Variants in RPRD2 observed in about 807,000 individuals in gnomAD.
The protein encoded by RPRD2 is regulation of nuclear pre-mRNA domain-containing protein 2.
Under a neutral mutation model 104.4 loss-of-function variants are expected in RPRD2, and 12 were observed. The observed-to-expected ratio is 0.11, with a 90% CI of 0.07 to 0.19. The LOEUF (loss-of-function observed/expected upper bound fraction) is 0.19, where lower values mean the gene tolerates loss of function less well. RPRD2 is among the 10% of genes least tolerant of loss of function. RPRD2 has a pLI of 1.00. For synonymous variants in RPRD2, 714 were observed against 684.9 expected (o/e 1.04, Z -0.66); for missense variants, 1,543 against 1,790.1 (o/e 0.86, Z 2.49).
intron 6 of RPRD2, among the ~76,000 whole-genome samples, chr1:150,445,984 C>T (rs1221913464): frequency 6.7e-6 from 1 of 150,086 alleles, no homozygotes; most frequent in Non-Finnish European, 1.5e-5. Flanking sequence ...AGGAGAGTGG[C>T]GTGAACCCGG....
Position 150,472,584 on chromosome 1 carries a change from A to G in RPRD2, c.3636A>G (p.Pro1212=), listed in dbSNP as rs760057465. 20 of 1,613,552 alleles carry G rather than the reference A, an allele frequency of 1.2e-5. No individual in the cohort carries two copies. The highest frequency in any genetic ancestry group is 4.0e-5 in the African/African-American group (3 of 74,884). ...GTPFQREPVG[P]SSAPPVPPKD... is the part of the protein sequence containing the mutation. ...CCTTCCAGAGAGAGCCAGTGGGGCC[A>G]TCATCTGCCCCACCTGTCCCTCCTA... Residue 1212 remains proline, a synonymous_variant, in exon 11 of 11, where the codon CCA becomes CCG. Coordinates refer to ENST00000369068, the MANE Select transcript of RPRD2 (RefSeq NM_015203.5).
intron 1 of RPRD2, among the ~76,000 whole-genome samples, chr1:150,400,711 G>A (rs1287113256): frequency 1.3e-5 from 2 of 151,972 alleles, no homozygotes; most frequent in African/African-American, 4.8e-5. Flanking sequence ...TTCCTTTTCC[G>A]CTGTTCTTAG....
intron 5 of RPRD2, 27 bp downstream of exon 5, chr1:150,443,310 G>A (rs1572487179): frequency 6.7e-7 from 1 of 1,488,142 alleles, no homozygotes; most frequent in South Asian, 1.2e-5. Context: ...GTTTAATATA[G>A]CAAAGTATTA....
At chr1:150,458,352 G>A (rs1667686518) in intron 8 of RPRD2, among the ~76,000 whole-genome samples, 1 of 151,764 alleles carries the variant, frequency 6.6e-6, no homozygotes, top group South Asian at 2.1e-4. Flanking sequence ...TGCTGGAAAG[G>A]CTGAGGCAGG....
At chr1:150,465,318 A>C (rs1351343267) in intron 10 of RPRD2, among the ~76,000 whole-genome samples, 1 of 151,846 alleles carries the variant, frequency 6.6e-6, no homozygotes. Flanking sequence ...GAGTTTTGCT[A>C]TGTTGGCCAG....
At chr1:150,450,468 G>A (rs782738361) in intron 7 of RPRD2, among the ~76,000 whole-genome samples, 14 of 151,392 alleles carry the variant, frequency 9.2e-5, no homozygotes, top group Middle Eastern at 3.4e-3. Context: ...TTAGGTGGGC[G>A]TGGTGGCGGG....
At chr1:150,442,081 G>C (rs1259165082) in intron 4 of RPRD2, 123 bp downstream of exon 4, 1 of 642,780 alleles carries the variant, frequency 1.6e-6, no homozygotes, top group Non-Finnish European at 2.6e-6. Context: ...AGGTCTGGGA[G>C]GCTCCCAGTG....
chr1:150,408,152 C>A (rs587748194), intron 1 of RPRD2, among the ~76,000 whole-genome samples: 73 of 139,432 alleles, frequency 5.2e-4, no homozygotes, highest in African/African-American at 1.8e-3. Flanking sequence ...TTAAAATATT[C>A]ATATGATTTT....
chr1:150,462,825 G>A (rs1442991940), intron 9 of RPRD2, among the ~76,000 whole-genome samples: 2 of 152,122 alleles, frequency 1.3e-5, no homozygotes, highest in Non-Finnish European at 2.9e-5. Flanking sequence ...AAAGTGCTGG[G>A]ATTACAGGCG....
chr1:150,460,123 C>A lies in RPRD2; in HGVS notation c.1217C>A (p.Pro406Gln). The A allele has an allele frequency of 6.2e-7, 1 of 1,613,858 alleles. No homozygotes were observed. Among genetic ancestry groups the A allele is most frequent in the South Asian group, 1.1e-5 (1 of 91,068 alleles). ...SAVSTSVPTK[P>Q]TENISKASSC... Reference sequence around the variant, plus strand: ...GTATCCACTTCTGTACCTACAAAGCCAACAGAAAATATCTCAAAGGCCTCT... The same window carrying A: ...GTATCCACTTCTGTACCTACAAAGCAAACAGAAAATATCTCAAAGGCCTCT... The change falls in exon 9 of 11, where the codon CCA (proline) becomes CAA (glutamine). Residue 406 changes from proline (P) to glutamine (Q), a missense_variant. Around this residue, in one of 4 missense-constraint regions of RPRD2, gnomAD observed 572 missense variants for 787.3 expected, o/e 0.73. Coordinates refer to ENST00000369068, the MANE Select transcript of RPRD2 (RefSeq NM_015203.5).
At chr1:150,455,717 A>G (rs1667482511) in intron 7 of RPRD2, among the ~76,000 whole-genome samples, 1 of 152,136 alleles carries the variant, frequency 6.6e-6, no homozygotes, top group Admixed American at 6.5e-5. Context: ...CAAATGTATC[A>G]TACTGATATA....
intron 5 of RPRD2, among the ~76,000 whole-genome samples, chr1:150,444,039 A>G (rs1666591260): frequency 6.6e-6 from 1 of 152,162 alleles, no homozygotes; most frequent in Admixed American, 6.5e-5. Flanking sequence ...AAATAAATGA[A>G]GTCTATAACT....
At position 150,407,851 on chromosome 1, in the gene RPRD2, A is replaced by T. The variant is rs587616865; in HGVS notation, c.206-9745A>T. Among the ~76,000 whole-genome samples the T allele has an allele frequency of 4.0e-4, 61 of 152,238 alleles. 2 individuals are homozygous for T. In the East Asian group the frequency reaches 0.011, roughly 27 times the overall value. ...AGTTAAATATTTATTTAATCATAGG[A>T]TATTGAAGCCAGAGGGTATGTTATG... is the stretch of plus-strand genomic sequence containing the variant. On this transcript the variant is annotated intron_variant, in intron 1 of 10. Transcript: ENST00000369068.
intron 1 of RPRD2, among the ~76,000 whole-genome samples, chr1:150,389,245 T>C (rs1661876475): frequency 6.6e-6 from 1 of 152,104 alleles, no homozygotes; most frequent in South Asian, 2.1e-4. Flanking sequence ...CAACAGGGTT[T>C]CACCATGTTG....
chr1:150,404,732 G>A (rs1560174464), intron 1 of RPRD2, among the ~76,000 whole-genome samples: 1 of 152,092 alleles, frequency 6.6e-6, no homozygotes, highest in Non-Finnish European at 1.5e-5. Context: ...AGCCTCTTGA[G>A]TAGCTGGGAT....
intron 1 of RPRD2, among the ~76,000 whole-genome samples, chr1:150,409,406 T>C (rs1553887234): frequency 6.6e-6 from 1 of 152,134 alleles, no homozygotes; most frequent in Non-Finnish European, 1.5e-5. Flanking sequence ...CTCTTTTTTT[T>C]TCCTAATTTA....
At chr1:150,426,795 G>A (rs1214917273) in intron 2 of RPRD2, among the ~76,000 whole-genome samples, 2 of 152,170 alleles carry the variant, frequency 1.3e-5, no homozygotes, top group Non-Finnish European at 2.9e-5. Context: ...AGATATGGAT[G>A]GTGGTGATGG....
In RPRD2 at chr1:150,377,967, G is replaced by A. The variant is rs587670438; in HGVS notation, c.205+13048G>A. Among the ~76,000 whole-genome samples the A allele has an allele frequency of 3.9e-5, 6 of 152,238 alleles. No individual in the cohort carries two copies. In the South Asian group the frequency reaches 1.2e-3, roughly 32 times the overall value. On this transcript the variant is annotated intron_variant, in intron 1 of 10. Transcript: ENST00000369068. ...CATTTATAGTGTAGGAAAAGGAAAC[G>A]TGCCTGGTTTCAGAGTGGCTAAGCA...
At position 150,472,841 on chromosome 1, in the gene RPRD2, C is replaced by G. The variant is rs1472071763; in HGVS notation, c.3893C>G (p.Pro1298Arg). ...PFSTPPPPPP[P>R]VDHSGVVPFP... is the part of the protein sequence containing the mutation. ...TCTACTCCACCCCCTCCTCCACCCCCTGTTGACCACTCTGGAGTTGTACCC... is the reference window on the plus strand; with the variant it reads ...TCTACTCCACCCCCTCCTCCACCCCGTGTTGACCACTCTGGAGTTGTACCC... The change falls in exon 11 of 11, where the codon CCT (proline) becomes CGT (arginine). Residue 1298 changes from proline (P) to arginine (R), a missense_variant. Pro to Arg is a moderately radical substitution (Grantham distance 103). Around this residue, in one of 4 missense-constraint regions of RPRD2, gnomAD observed 880 missense variants for 885.6 expected, o/e 0.99. Coordinates refer to ENST00000369068, the MANE Select transcript of RPRD2 (RefSeq NM_015203.5). 3.7e-6 allele frequency: 6 copies of G among 1,612,610 alleles called. No individual in the cohort carries two copies. Among genetic ancestry groups the G allele is most frequent in the South Asian group, 3.3e-5 (3 of 90,944 alleles).
Sources: gnomAD v4.1 joint callset for allele counts (sites outside exome capture counted in the v4.1 genomes callset) on GRCh38, gnomAD v4.1.1 for gene constraint, gnomAD v4.1.1 regional missense constraint, MANE v1.5 for transcripts, NCBI Gene and HGNC (gene_info 2026-07-23, HGNC 2026-07-21) for gene names.